Variants in HUWE1 observed in about 807,000 individuals in gnomAD.
HUWE1 encodes the protein E3 ubiquitin-protein ligase HUWE1.
Under a neutral mutation model 299.4 loss-of-function variants are expected in HUWE1, and 18 were observed. The ratio of observed to expected loss-of-function variants is 0.06; its 90% CI spans 0.04 to 0.09. The LOEUF is 0.09. HUWE1 is among the 10% of genes least tolerant of loss of function. HUWE1 has a pLI of 1.00. For missense variants in HUWE1, 1,832 were observed against 3,462.3 expected, an observed-to-expected ratio of 0.53 and a Z score of 11.82; for synonymous variants, 1,317 against 1,286.1, an observed-to-expected ratio of 1.02 and a Z score of -0.51.
chrX:53,624,071 T>C (rs2066320918), intron 19 of HUWE1, among the ~76,000 whole-genome samples: 1 of 112,675 alleles, frequency 8.9e-6, no homozygotes, highest in Admixed American at 9.3e-5. Flanking sequence ...CTGACCTTTA[T>C]TTCATCACCA....
At chrX:53,598,573 A>C (rs1360773060) in intron 29 of HUWE1, among the ~76,000 whole-genome samples, 2 of 111,514 alleles carry the variant, frequency 1.8e-5, no homozygotes, top group Non-Finnish European at 3.8e-5. Context: ...TTTTCTCTGA[A>C]GATTTTAACA....
At chrX:53,671,633 A>G (rs2069535045) in intron 3 of HUWE1, among the ~76,000 whole-genome samples, 2 of 110,211 alleles carry the variant, frequency 1.8e-5, no homozygotes, top group South Asian at 7.8e-4. Flanking sequence ...TACTAAAAAT[A>G]CAAAAAAAAA....
At chrX:53,614,311 A>G (rs1490425606) in intron 23 of HUWE1, among the ~76,000 whole-genome samples, 1 of 111,778 alleles carries the variant, frequency 8.9e-6, no homozygotes, top group African/African-American at 3.3e-5. Flanking sequence ...TTTTAAAAAA[A>G]GATCACTTCC....
chrX:53,549,074 C>A lies in HUWE1; in HGVS notation c.9920G>T (p.Gly3307Val), dbSNP rs148122817. The change falls in exon 67 of 84, where the codon GGG becomes GTG. Residue 3307 changes from glycine to valine, a missense_variant. Gly to Val is a moderately radical substitution (Grantham distance 109). Transcript: ENST00000262854. Reference sequence around the variant, plus strand: ...ATGCTTCTCGGTATGTTTACGCCCCCCTGAACGCTGGATCTGAAATATATT... The same window carrying A: ...ATGCTTCTCGGTATGTTTACGCCCCACTGAACGCTGGATCTGAAATATATT... ...RTNIFQIQRS[G>V]GRKHTEKHAS... 103 of 1,209,810 alleles carry A rather than the reference C, an allele frequency of 8.5e-5. No homozygotes were observed. The highest frequency in any genetic ancestry group is 1.1e-4 in the Non-Finnish European group (98 of 894,980).
In HUWE1 at chrX:53,534,570, G is replaced by T. The variant is rs782410644; in HGVS notation, c.12777C>A (p.Ile4259=). ...ATTCAGTGTTGGATTTCAGATCATC[G>T]ATGTCAATGGTGGGCAGTCCTGATA... ...LLISGLPTID[I]DDLKSNTEYH... is the part of the protein sequence containing the mutation. Residue 4259 remains isoleucine, a synonymous_variant, in exon 82 of 84, where the codon ATC becomes ATA. Transcript: ENST00000262854. 53 of 1,208,115 alleles carry T rather than the reference G, an allele frequency of 4.4e-5. No individual in the cohort carries two copies. In the South Asian group the frequency reaches 8.5e-4, roughly 19 times the overall value.
chrX:53,544,033 C>T, intron 72 of HUWE1, 65 bp from the exon 73 acceptor site: 2 of 988,053 alleles, frequency 2.0e-6, no homozygotes, highest in Non-Finnish European at 2.8e-6. Context: ...CCAATATTCT[C>T]TCTCCTATCT....
At chrX:53,566,133 G>GTATATATATATATATATATATATATA (rs71830310) in intron 49 of HUWE1, among the ~76,000 whole-genome samples, 1 of 38,989 alleles carries the variant, frequency 2.6e-5, no homozygotes, top group African/African-American at 9.7e-5. Flanking sequence ...GTGTGTGTGT[G>GTATATATATATATATATATATATATA]TATATATATA....
At chrX:53,570,980 A>C (rs2062798685) in intron 47 of HUWE1, among the ~76,000 whole-genome samples, 1 of 112,801 alleles carries the variant, frequency 8.9e-6, no homozygotes, top group South Asian at 3.6e-4. Context: ...TACAAAGTTA[A>C]AACTATTTTC....
chrX:53,537,883 T>C (rs1380714056), intron 77 of HUWE1, among the ~76,000 whole-genome samples, 187 bp from the exon 78 acceptor site: 1 of 111,233 alleles, frequency 9.0e-6, no homozygotes, highest in Non-Finnish European at 1.9e-5. Context: ...ACTCTAAATT[T>C]TTCTTACCTC....
intron 40 of HUWE1, 56 bp from the exon 41 acceptor site, chrX:53,584,401 G>A: frequency 9.9e-7 from 1 of 1,010,563 alleles, no homozygotes. Flanking sequence ...TTATAAAGGT[G>A]GGGGAGGGGA....
At chrX:53,618,595 C>T (rs1327337082) in intron 19 of HUWE1, among the ~76,000 whole-genome samples, 1 of 102,776 alleles carries the variant, frequency 9.7e-6, no homozygotes, top group Admixed American at 1.1e-4. Flanking sequence ...GACGGAGTCT[C>T]ACTCTGTCGC....
rs782671309 is a variant in HUWE1 at position 53,617,367 on chromosome X, G to A, written c.1752C>T (p.Val584=). 1.1e-4 allele frequency: 131 copies of A among 1,193,279 alleles called. 2 individuals carry two copies. The South Asian group carries it at 2.2e-3, about 20-fold the overall frequency. Reference sequence around the variant, plus strand: ...CTTTGATAAGCAGTGCATGCAGCATGACATCTGTCAATCCATTGTCCTGGA... The same window carrying A: ...CTTTGATAAGCAGTGCATGCAGCATAACATCTGTCAATCCATTGTCCTGGA... ...SSLQDNGLTD[V]MLHALLIKDV... is the part of the protein sequence containing the mutation. Residue 584 remains valine, a synonymous_variant, in exon 20 of 84, where the codon GTC becomes GTT. Transcript: ENST00000262854.
intron 55 of HUWE1, 61 bp downstream of exon 55, chrX:53,561,695 T>C: frequency 8.3e-7 from 1 of 1,207,047 alleles, no homozygotes; most frequent in Middle Eastern, 2.6e-4. Context: ...CTGCTTGGCT[T>C]ACCCTAGAGA....
chrX:53,548,864 A>G, intron 67 of HUWE1, 95 bp downstream of exon 67: 8 of 762,715 alleles, frequency 1.0e-5, no homozygotes, highest in Non-Finnish European at 1.6e-5. Flanking sequence ...AAATAAGAGC[A>G]AAAAGACACG....
chrX:53,581,832 A>G (rs2063632573), intron 42 of HUWE1, among the ~76,000 whole-genome samples: 1 of 111,952 alleles, frequency 8.9e-6, no homozygotes, highest in African/African-American at 3.2e-5. Context: ...ACTGCTGGAC[A>G]TTAGACCTCT....
chrX:53,670,652 C>T (rs2069476445), intron 3 of HUWE1, among the ~76,000 whole-genome samples: 1 of 111,543 alleles, frequency 9.0e-6, no homozygotes, highest in African/African-American at 3.3e-5. Flanking sequence ...GTGATGTCTG[C>T]ATCTCTCCAG....
At position 53,643,620 on chromosome X, in the gene HUWE1, G is replaced by A. The variant is rs782408886; in HGVS notation, c.504+1691C>T. 9.9e-5 allele frequency among the ~76,000 whole-genome samples: 11 copies of A among 110,763 alleles called. No individual in the cohort carries two copies. In the East Asian group the frequency reaches 2.9e-3, roughly 29 times the overall value. ...GCCTGCCTCGGCCCCCCAAAGTGTT[G>A]GGATTACAGGCGTGAGCCACCACGC... On this transcript the variant is annotated intron_variant, in intron 7 of 83. Coordinates refer to ENST00000262854, the MANE Select transcript of HUWE1 (RefSeq NM_031407.7).
intron 56 of HUWE1, 152 bp downstream of exon 56, chrX:53,560,036 T>C: frequency 1.9e-6 from 1 of 540,472 alleles, no homozygotes. Flanking sequence ...GCTACACATG[T>C]AATCCACAAA....
At chrX:53,543,700 T>C in intron 73 of HUWE1, 141 bp downstream of exon 73, 1 of 901,630 alleles carries the variant, frequency 1.1e-6, no homozygotes, top group Non-Finnish European at 1.6e-6. Flanking sequence ...CAACAGAAAG[T>C]AACCCTTTTG....
Sources: gnomAD v4.1 joint callset for allele counts (sites outside exome capture counted in the v4.1 genomes callset) on GRCh38, gnomAD v4.1.1 for gene constraint, MANE v1.5 for transcripts, NCBI Gene and HGNC (gene_info 2026-07-23, HGNC 2026-07-21) for gene names.